Variants in THSD7A observed in about 807,000 individuals in gnomAD.
The protein encoded by THSD7A is thrombospondin type-1 domain-containing protein 7A.
In THSD7A, 96 loss-of-function variants were observed where a neutral mutation model predicts 231.3. The ratio of observed to expected loss-of-function variants is 0.41; its 90% CI spans 0.35 to 0.49. The LOEUF is 0.49. THSD7A is among the 20% of genes least tolerant of loss of function. The pLI is 0.05. For missense variants in THSD7A, 2,290 were observed against 2,070.2 expected, an observed-to-expected ratio of 1.11 and a Z score of -2.06; for synonymous variants, 940 against 743.3, an observed-to-expected ratio of 1.26 and a Z score of -4.30.
At chr7:11,578,887 G>C (rs978474160) in intron 4 of THSD7A, among the ~76,000 whole-genome samples, 2 of 152,160 alleles carry the variant, frequency 1.3e-5, no homozygotes, top group African/African-American at 4.8e-5. Context: ...CCGACACTGA[G>C]GACATGTAAC....
At chr7:11,709,372 G>A (rs1780876788) in intron 1 of THSD7A, among the ~76,000 whole-genome samples, 1 of 150,662 alleles carries the variant, frequency 6.6e-6, no homozygotes, top group Non-Finnish European at 1.5e-5. Flanking sequence ...AAAATCTACT[G>A]GCATGATTTA....
In THSD7A at chr7:11,785,069, C is replaced by G. The variant is rs73059127; in HGVS notation, c.190+46688G>C. ...AGGTCTTAATTCCTGCTGCCTACCT[C>G]TCCCAGTCCCATAGCATTGTTTCCT... On this transcript the variant is annotated intron_variant, in intron 1 of 27. Coordinates refer to ENST00000423059, the MANE Select transcript of THSD7A (RefSeq NM_015204.3). 5.3e-5 allele frequency among the ~76,000 whole-genome samples: 8 copies of G among 152,230 alleles called. 1 individual carries two copies. The South Asian group carries it at 1.2e-3, about 24-fold the overall frequency.
intron 1 of THSD7A, among the ~76,000 whole-genome samples, chr7:11,652,473 A>C (rs1160183923): frequency 6.6e-6 from 1 of 151,984 alleles, no homozygotes; most frequent in Non-Finnish European, 1.5e-5. Context: ...TGTAATTTCC[A>C]TAATAATTTC....
chr7:11,796,959 T>C (rs1023290609), intron 1 of THSD7A, among the ~76,000 whole-genome samples: 4 of 152,146 alleles, frequency 2.6e-5, no homozygotes, highest in African/African-American at 4.8e-5. Context: ...TTTTAATGTG[T>C]GGCAGGTAAT....
chr7:11,578,505 A>T (rs1197844038), intron 4 of THSD7A, among the ~76,000 whole-genome samples: 1 of 152,228 alleles, frequency 6.6e-6, no homozygotes, highest in African/African-American at 2.4e-5. Flanking sequence ...CTCTGCTAAG[A>T]ATGATAGGTT....
intron 19 of THSD7A, among the ~76,000 whole-genome samples, chr7:11,409,282 T>C: frequency 6.6e-6 from 1 of 152,336 alleles, no homozygotes; most frequent in East Asian, 1.9e-4. Flanking sequence ...CATCTTTCTT[T>C]GTGGCTGTTA....
At chr7:11,434,342 T>C (rs1476550071) in intron 13 of THSD7A, among the ~76,000 whole-genome samples, 1 of 152,050 alleles carries the variant, frequency 6.6e-6, no homozygotes, top group East Asian at 1.9e-4. Flanking sequence ...TCTGATTATA[T>C]TTTTGACTGC....
At chr7:11,534,782 C>T (rs533382445) in intron 6 of THSD7A, among the ~76,000 whole-genome samples, 1 of 152,274 alleles carries the variant, frequency 6.6e-6, no homozygotes, top group South Asian at 2.1e-4. Context: ...GTGAGGAATG[C>T]ATCTGTTGGG....
intron 17 of THSD7A, among the ~76,000 whole-genome samples, chr7:11,413,062 T>C (rs1181442345): frequency 6.6e-6 from 1 of 151,918 alleles, no homozygotes; most frequent in African/African-American, 2.4e-5. Flanking sequence ...GCCACACATA[T>C]GGTGGTCATA....
At chr7:11,558,995 A>G (rs1265919970) in intron 4 of THSD7A, among the ~76,000 whole-genome samples, 1 of 152,130 alleles carries the variant, frequency 6.6e-6, no homozygotes, top group Non-Finnish European at 1.5e-5. Flanking sequence ...AGGAGTGGAG[A>G]GATATCCAAG....
chr7:11,679,235 C>G (rs2128138367), intron 1 of THSD7A, among the ~76,000 whole-genome samples: 1 of 152,260 alleles, frequency 6.6e-6, no homozygotes, highest in East Asian at 1.9e-4. Context: ...AACCCACAGC[C>G]AGTATCATAC....
At chr7:11,690,180 A>G (rs1403624791) in intron 1 of THSD7A, among the ~76,000 whole-genome samples, 1 of 151,802 alleles carries the variant, frequency 6.6e-6, no homozygotes, top group Non-Finnish European at 1.5e-5. Flanking sequence ...AGGATCCAAA[A>G]AGTAACCAGA....
intron 23 of THSD7A, among the ~76,000 whole-genome samples, chr7:11,390,995 A>T (rs1782958488): frequency 6.6e-6 from 1 of 152,206 alleles, no homozygotes; most frequent in South Asian, 2.1e-4. Context: ...CACCTGCCAG[A>T]TGCCAGCCAG....
At chr7:11,755,692 T>C (rs555280653) in intron 1 of THSD7A, among the ~76,000 whole-genome samples, 1 of 152,260 alleles carries the variant, frequency 6.6e-6, no homozygotes, top group South Asian at 2.1e-4. Flanking sequence ...TTGGCTCTAG[T>C]GTTCCTGCTG....
rs1786435849 is a variant in THSD7A, at chr7:11,481,812, T to C, written c.1993A>G (p.Ile665Val). The C allele has an allele frequency of 3.1e-6, 5 of 1,613,332 alleles. No individual in the cohort carries two copies. Among genetic ancestry groups the C allele is most frequent in the Non-Finnish European group, 4.2e-6 (5 of 1,179,466 alleles). The change falls in exon 7 of 28, where the codon ATT becomes GTT. Residue 665 changes from isoleucine to valine, a missense_variant. Ile to Val is a conservative substitution (Grantham distance 29). Transcript: ENST00000423059. The stretch of plus-strand genomic sequence containing the variant: ...CCTTCTTCACCCGCATAGGCCAGAA[T>C]GGATCGTGCTCGTATCTGTTTCCCT... ...TEGKQIRARS[I>V]LAYAGEEGGI... is the part of the protein sequence containing the mutation.
At chr7:11,445,973 C>A in intron 13 of THSD7A, 88 bp downstream of exon 13, 2 of 1,498,958 alleles carry the variant, frequency 1.3e-6, no homozygotes, top group South Asian at 2.4e-5. Flanking sequence ...CGTCTGTAAA[C>A]CTTCACTTCC....
chr7:11,493,636 A>G (rs1786986130), intron 6 of THSD7A, among the ~76,000 whole-genome samples: 1 of 152,136 alleles, frequency 6.6e-6, no homozygotes, highest in Non-Finnish European at 1.5e-5. Flanking sequence ...TTGAATTTAC[A>G]TATAGTTATT....
At chr7:11,574,918 C>A (rs2040817) in intron 4 of THSD7A, among the ~76,000 whole-genome samples, 21,894 of 152,060 alleles carry the variant, frequency 0.14, 1,749 homozygotes, top group East Asian at 0.22. Context: ...CAAGTAGTAA[C>A]CCTATACTGT....
intron 1 of THSD7A, among the ~76,000 whole-genome samples, chr7:11,653,273 CAT>C (rs1334427300): frequency 6.6e-6 from 1 of 151,750 alleles, no homozygotes; most frequent in African/African-American, 2.4e-5. Flanking sequence ...ATTATGAACA[CAT>C]AAATAGTACC....
Sources: gnomAD v4.1 joint callset for allele counts (sites outside exome capture counted in the v4.1 genomes callset) on GRCh38, gnomAD v4.1.1 for gene constraint, MANE v1.5 for transcripts, NCBI Gene and HGNC (gene_info 2026-07-23, HGNC 2026-07-21) for gene names.